Variants in HDAC4 observed in about 807,000 individuals in gnomAD.
The protein encoded by HDAC4 is histone deacetylase A.
A neutral mutation model predicts 135.1 loss-of-function variants in HDAC4; 16 were observed. That is an observed-to-expected ratio of 0.12 (90% CI 0.08 to 0.18). The LOEUF (loss-of-function observed/expected upper bound fraction) is 0.18. HDAC4 is among the 10% of genes least tolerant of loss of function. HDAC4 has a pLI of 1.00. For missense variants in HDAC4, 1,143 were observed against 1,511.8 expected (o/e 0.76, Z 4.05); for synonymous variants, 685 against 653.4 (o/e 1.05, Z -0.74).
In HDAC4 at chr2:239,052,708, G is replaced by C; in HGVS notation, c.*389C>G. On this transcript the variant is annotated 3_prime_UTR_variant, in exon 27 of 27. Transcript: ENST00000543185. ...CACCAGTTTTAATCAAGTTTGTTTT[G>C]TATTATTAGATCTTTGATATTTGTT... 1 of 281,652 alleles carries C rather than the reference G, an allele frequency of 3.6e-6. No homozygotes were observed. Among genetic ancestry groups the C allele is most frequent in the Non-Finnish European group, 6.9e-6 (1 of 144,890 alleles). The allele number at this position is 281,652 out of a possible 1,614,324, so 17.4% of individuals were successfully genotyped here.
intron 4 of HDAC4, chr2:239,186,477 T>C (rs1476669452): frequency 6.6e-6 from 1 of 152,248 alleles, no homozygotes; most frequent in Non-Finnish European, 1.5e-5. Flanking sequence ...ATAATCTCTA[T>C]TTTAATGAAG....
At chr2:239,160,697 G>A (rs75660338) in intron 6 of HDAC4, among the ~76,000 whole-genome samples, 12,970 of 152,238 alleles carry the variant, frequency 0.085, 603 homozygotes, top group East Asian at 0.18. Flanking sequence ...GCACGGTAGC[G>A]TGTGCAGGGG....
rs2052786742 is a variant in HDAC4 at position 239,309,844 on chromosome 2, C to CA, written c.22+42833dup. Among the ~76,000 whole-genome samples the CA allele has an allele frequency of 6.6e-6, 1 of 152,228 alleles. No homozygotes were observed. Among genetic ancestry groups the CA allele is most frequent in the African/African-American group, 2.4e-5 (1 of 41,454 alleles). ...CAGACCATGGATGTGGCCGTGCCAGCAGGGAGGCCAGCAGCCCCTAGCAGA... is the reference window on the plus strand; with the variant it reads ...CAGACCATGGATGTGGCCGTGCCAGCAAGGGAGGCCAGCAGCCCCTAGCAGA... On this transcript the variant is annotated intron_variant, in intron 2 of 26. Transcript: ENST00000543185. The surrounding 1 kb of genome is among the most constrained non-coding windows in gnomAD (Gnocchi z 4.2).
Position 239,285,994 on chromosome 2 carries a change from A to G in HDAC4, c.23-49330T>C, listed in dbSNP as rs189516799. The stretch of plus-strand genomic sequence containing the variant: ...CCCAAGCAAACACAAGCCAACACAG[A>G]AAGAAGTGAAAAAAGGCAGCAAACA... On this transcript the variant is annotated intron_variant, in intron 2 of 26. Coordinates refer to ENST00000543185, the MANE Select transcript of HDAC4 (RefSeq NM_001378414.1). The surrounding 1 kb of genome is among the most constrained non-coding windows in gnomAD (Gnocchi z 4.5). 2.6e-5 allele frequency among the ~76,000 whole-genome samples: 4 copies of G among 152,280 alleles called. No homozygotes were observed. Among genetic ancestry groups the G allele is most frequent in the Admixed American group, 2.6e-4 (4 of 15,290 alleles).
intron 1 of HDAC4, among the ~76,000 whole-genome samples, chr2:239,353,249 A>G (rs1415528669): frequency 6.6e-6 from 1 of 152,124 alleles, no homozygotes. Flanking sequence ...TCCTGACCTC[A>G]AGTGATCCAC....
intron 3 of HDAC4, among the ~76,000 whole-genome samples, chr2:239,235,847 C>T (rs1468160916): frequency 1.3e-5 from 2 of 152,202 alleles, no homozygotes; most frequent in East Asian, 3.9e-4. Flanking sequence ...CAAGACCAGC[C>T]TGGCCAACAT....
chr2:239,270,447 T>C (rs2049997579), intron 2 of HDAC4, among the ~76,000 whole-genome samples: 1 of 151,848 alleles, frequency 6.6e-6, no homozygotes. Flanking sequence ...AAGCAGGCGA[T>C]AGAGAAAAGG....
chr2:239,213,743 T>C (rs555263457), intron 3 of HDAC4, among the ~76,000 whole-genome samples: 1 of 152,336 alleles, frequency 6.6e-6, no homozygotes, highest in Admixed American at 6.5e-5. Flanking sequence ...AATAAAAGCA[T>C]GGAACACACA....
At position 239,061,239 on chromosome 2, in the gene HDAC4, CTG is replaced by C. The variant is rs375642482; in HGVS notation, c.3003+5481_3003+5482del. Among the ~76,000 whole-genome samples, 448 of 148,826 alleles carry C rather than the reference CTG, an allele frequency of 3.0e-3. 2 individuals carry two copies. The highest frequency in any genetic ancestry group is 9.8e-3 in the African/African-American group (396 of 40,298). On this transcript the variant is annotated intron_variant, in intron 24 of 26. Coordinates refer to ENST00000543185, the MANE Select transcript of HDAC4 (RefSeq NM_001378414.1). ...GTGTGGTGTGTGTGTGCACGTGAGA[CTG>C]TGTGGTGCATTCATGAGTATGCACG...
At chr2:239,102,927 G>A (rs372575672) in intron 15 of HDAC4, 31 bp from the exon 16 acceptor site, 67 of 1,613,098 alleles carry the variant, frequency 4.2e-5, no homozygotes, top group Non-Finnish European at 4.9e-5. Flanking sequence ...ACACTCACAC[G>A]TTCTGCAGAA....
intron 3 of HDAC4, among the ~76,000 whole-genome samples, chr2:239,233,806 G>C (rs1209118995): frequency 6.6e-6 from 1 of 152,210 alleles, no homozygotes; most frequent in Non-Finnish European, 1.5e-5. Context: ...TGTTCAAAGG[G>C]AGCGAGCTCT....
chr2:239,293,590 G>A (rs1433915248), intron 2 of HDAC4, among the ~76,000 whole-genome samples: 1 of 152,162 alleles, frequency 6.6e-6, no homozygotes, highest in East Asian at 1.9e-4. Context: ...AGGAGCCCGA[G>A]GCCCACCTGC....
At position 239,352,803 on chromosome 2, in the gene HDAC4, CGG is replaced by C; in HGVS notation, c.-106_-105del. On this transcript the variant is annotated 5_prime_UTR_variant, in exon 2 of 27. Coordinates refer to ENST00000543185, the MANE Select transcript of HDAC4 (RefSeq NM_001378414.1). This position sits in a 1 kb window ranked among gnomAD's most constrained non-coding sequence, Gnocchi z 4.4. ...AACTCCCACCAACACATACAAGTAC[CGG>C]GACGGTGAGGGCTGGGTCACAGACG... The C allele has an allele frequency of 8.6e-7, 1 of 1,166,858 alleles. No homozygotes were observed. The highest frequency in any genetic ancestry group is 2.6e-5 in the East Asian group (1 of 38,938). 72.3% of individuals were successfully genotyped at this position (1,166,858 alleles called of 1,614,324 possible). A position where few individuals can be genotyped will look rare whatever the true frequency, so the allele number is the denominator to read the frequency against.
At chr2:239,159,269 C>CACTCACGCCCACACCTCACCTCACT (rs2042627599) in intron 6 of HDAC4, among the ~76,000 whole-genome samples, 3 of 151,140 alleles carry the variant, frequency 2.0e-5, no homozygotes, top group African/African-American at 7.3e-5. Flanking sequence ...TACTCACACC[C>CACTCACGCCCACACCTCACCTCACT]ACTCACGCCC....
At chr2:239,205,626 G>A (rs562576670) in intron 3 of HDAC4, among the ~76,000 whole-genome samples, 7 of 152,028 alleles carry the variant, frequency 4.6e-5, no homozygotes, top group Non-Finnish European at 5.9e-5. Flanking sequence ...TGGGGGCTAC[G>A]GAGAGAAATC....
chr2:239,153,199 C>T (rs1422690127), intron 7 of HDAC4, among the ~76,000 whole-genome samples: 3 of 152,164 alleles, frequency 2.0e-5, no homozygotes, highest in African/African-American at 7.2e-5. Flanking sequence ...CAGCAAAGGA[C>T]ATGCAAAAAA....
intron 15 of HDAC4, 120 bp downstream of exon 15, chr2:239,107,930 C>G: frequency 7.9e-7 from 1 of 1,259,328 alleles, no homozygotes; most frequent in Non-Finnish European, 1.1e-6. Context: ...GCCCTTCCCC[C>G]GGGGCTGTAA....
intron 2 of HDAC4, among the ~76,000 whole-genome samples, chr2:239,286,783 G>A (rs902746378): frequency 2.0e-4 from 31 of 152,132 alleles, no homozygotes; most frequent in Admixed American, 2.6e-4. Context: ...GCCGGCCAAG[G>A]ATGAGAAGAA....
intron 16 of HDAC4, among the ~76,000 whole-genome samples, chr2:239,095,334 C>G (rs1187806492): frequency 2.0e-5 from 3 of 152,214 alleles, no homozygotes; most frequent in African/African-American, 7.2e-5. Context: ...CCAGGAGAGG[C>G]ACCAAGCCAC....
Sources: gnomAD v4.1 joint callset for allele counts (sites outside exome capture counted in the v4.1 genomes callset) on GRCh38, gnomAD v4.1.1 for gene constraint, Gnocchi (gnomAD v3.1) non-coding constraint, MANE v1.5 for transcripts, NCBI Gene and HGNC (gene_info 2026-07-23, HGNC 2026-07-21) for gene names.